OLFML2A: variants seen among roughly 807,000 people sequenced by gnomAD.
OLFML2A encodes the protein olfactomedin like 2A, also known as olfactomedin-like protein 2A.
A neutral mutation model predicts 60.9 loss-of-function variants in OLFML2A; 47 were observed. The ratio of observed to expected loss-of-function variants is 0.77; its 90% CI spans 0.61 to 0.98. OLFML2A has a LOEUF of 0.98. Among genes scored for constraint, OLFML2A ranks in the 50% least tolerant of loss-of-function variants. The probability of loss-of-function intolerance (pLI) is 0.00; values close to 1 mark genes in which losing one functional copy is unlikely to be tolerated. For synonymous variants in OLFML2A, 372 were observed against 375.0 expected, an observed-to-expected ratio of 0.99 and a Z score of 0.09; for missense variants, 922 against 879.8, an observed-to-expected ratio of 1.05 and a Z score of -0.61.
rs200585902 is a variant in OLFML2A, at chr9:124,787,176, A to G, written c.292A>G (p.Asn98Asp). The G allele has an allele frequency of 7.1e-4, 1,145 of 1,614,094 alleles. 4 individuals carry two copies. Among genetic ancestry groups the G allele is most frequent in the Middle Eastern group, 5.3e-3 (32 of 6,062 alleles). ...CTGTACCGCACCTCCCTCCTCTCTC[A>G]ACCCCTGTGAGAACGAGTGGAAGAT... Reference protein sequence around the residue: ...CSCTAPPSSLNPCENEWKMEK... With the variant: ...CSCTAPPSSLDPCENEWKMEK... The change falls in exon 2 of 8, where the codon AAC becomes GAC. Residue 98 changes from asparagine (N) to aspartate (D), a missense_variant. Coordinates refer to ENST00000373580, the MANE Select transcript of OLFML2A (RefSeq NM_182487.4).
At chr9:124,794,881 C>A (rs1841636399) in intron 2 of OLFML2A, 143 bp from the exon 3 acceptor site, 2 of 517,310 alleles carry the variant, frequency 3.9e-6, no homozygotes, top group Non-Finnish European at 7.2e-6. Context: ...CTGGGCCTCC[C>A]AAAGTGCTGG....
intron 3 of OLFML2A, among the ~76,000 whole-genome samples, chr9:124,795,723 C>T (rs543083460): frequency 2.1e-4 from 32 of 152,288 alleles, no homozygotes; most frequent in Non-Finnish European, 3.2e-4. Flanking sequence ...TGCAGTGAAC[C>T]GAGATCGTGC....
At chr9:124,791,410 G>T (rs1841565934) in intron 2 of OLFML2A, among the ~76,000 whole-genome samples, 2 of 152,188 alleles carry the variant, frequency 1.3e-5, no homozygotes, top group Admixed American at 6.5e-5. Context: ...CAATAGTTTT[G>T]TAAAATGCTA....
chr9:124,801,035 C>T lies in OLFML2A; in HGVS notation c.670-379C>T, dbSNP rs1486834415. ...TGCCTAAGAACCTCTCCCCTGCCCACGTACTAAGACCAATGAGTAAGAGAG... is the reference window on the plus strand; with the variant it reads ...TGCCTAAGAACCTCTCCCCTGCCCATGTACTAAGACCAATGAGTAAGAGAG... On this transcript the variant is annotated intron_variant, in intron 4 of 7. Coordinates refer to ENST00000373580, the MANE Select transcript of OLFML2A (RefSeq NM_182487.4). 3.9e-6 allele frequency: 6 copies of T among 1,551,386 alleles called. No individual in the cohort carries two copies. The East Asian group carries it at 7.3e-5, about 19-fold the overall frequency.
Position 124,807,859 on chromosome 9 carries a change from G to C in OLFML2A, c.1247G>C (p.Gly416Ala). The C allele has an allele frequency of 6.2e-7, 1 of 1,614,128 alleles. No individual in the cohort carries two copies. Among genetic ancestry groups the C allele is most frequent in the South Asian group, 1.1e-5 (1 of 91,088 alleles). Residue 416 changes from glycine to alanine, a missense_variant, in exon 7 of 8, where the codon GGA (glycine) becomes GCA (alanine). Physicochemically the swap from Gly to Ala is moderately conservative, Grantham distance 60. Transcript: ENST00000373580. ...VRHHSYGRHE[G>A]AWMKDPAARD... Reference sequence around the variant, plus strand: ...CACCACAGCTATGGGCGCCACGAGGGAGCCTGGATGAAGGACCCTGCAGCT... The same window carrying C: ...CACCACAGCTATGGGCGCCACGAGGCAGCCTGGATGAAGGACCCTGCAGCT...
rs968336210 is a variant in OLFML2A at position 124,813,676 on chromosome 9, G to A, written c.*3264G>A. 1 of 152,210 alleles carries A rather than the reference G, an allele frequency of 6.6e-6. No homozygotes were observed. Among genetic ancestry groups the A allele is most frequent in the African/African-American group, 2.4e-5 (1 of 41,448 alleles). The allele number at this position is 152,210 out of a possible 1,614,324, so 9.4% of individuals were successfully genotyped here. ...AAAAGCCTGAATGCCAAGCCAAGGAGTGGATGCCTCCAGTCATATTTAGAA... is the reference window on the plus strand; with the variant it reads ...AAAAGCCTGAATGCCAAGCCAAGGAATGGATGCCTCCAGTCATATTTAGAA... On this transcript the variant is annotated 3_prime_UTR_variant, in exon 8 of 8. Transcript: ENST00000373580.
chr9:124,805,781 ATTG>A (rs974310542), intron 6 of OLFML2A, among the ~76,000 whole-genome samples: 17 of 87,930 alleles, frequency 1.9e-4, no homozygotes, highest in Admixed American at 2.1e-4. Flanking sequence ...TTTTATTATT[ATTG>A]TTGTTGTTGT....
At chr9:124,808,106 A>T in intron 7 of OLFML2A, 140 bp downstream of exon 7, 1 of 672,168 alleles carries the variant, frequency 1.5e-6, no homozygotes, top group East Asian at 2.7e-5. Flanking sequence ...CACCCCAAGG[A>T]GGGGGTTCTG....
intron 1 of OLFML2A, among the ~76,000 whole-genome samples, chr9:124,780,429 A>G (rs1213748862): frequency 6.6e-6 from 1 of 152,154 alleles, no homozygotes; most frequent in Non-Finnish European, 1.5e-5. Flanking sequence ...GGACTGTGGG[A>G]GCCCAGCCAG....
intron 5 of OLFML2A, among the ~76,000 whole-genome samples, chr9:124,803,859 G>T (rs1312081480): frequency 1.3e-5 from 2 of 152,244 alleles, no homozygotes; most frequent in African/African-American, 4.8e-5. Flanking sequence ...GGTGGCCCAG[G>T]AAGGCAGGGG....
chr9:124,807,595 T>C (rs1314974823), intron 6 of OLFML2A, among the ~76,000 whole-genome samples, 186 bp from the exon 7 acceptor site: 2 of 152,206 alleles, frequency 1.3e-5, no homozygotes, highest in Non-Finnish European at 2.9e-5. Context: ...CATTCTGCTT[T>C]TCTGAATGTT....
chr9:124,801,357 C>T, intron 4 of OLFML2A, 57 bp from the exon 5 acceptor site: 1 of 1,584,726 alleles, frequency 6.3e-7, no homozygotes, highest in Non-Finnish European at 8.6e-7. Context: ...GCCCCCAGGA[C>T]TCCCCACAAC....
chr9:124,787,983 A>G (rs1252732406), intron 2 of OLFML2A, among the ~76,000 whole-genome samples: 2 of 151,986 alleles, frequency 1.3e-5, no homozygotes, highest in African/African-American at 2.4e-5. Flanking sequence ...GCAGCCTCCA[A>G]TCTATGCCAT....
rs1017756787 is a variant in OLFML2A, at chr9:124,779,325, A to T, written c.90+1965A>T. ...GATTCCCTGATCTGGCTCAGGTATGATGACAAGTGAGTAGAAAATCCTAGG... is the reference window on the plus strand; with the variant it reads ...GATTCCCTGATCTGGCTCAGGTATGTTGACAAGTGAGTAGAAAATCCTAGG... On this transcript the variant is annotated intron_variant, in intron 1 of 7. Coordinates refer to ENST00000373580, the MANE Select transcript of OLFML2A (RefSeq NM_182487.4). This position sits in a 1 kb window ranked among gnomAD's most constrained non-coding sequence, Gnocchi z 4.1. Among the ~76,000 whole-genome samples, 2 of 152,166 alleles carry T rather than the reference A, an allele frequency of 1.3e-5. No individual in the cohort carries two copies. The highest frequency in any genetic ancestry group is 4.8e-5 in the African/African-American group (2 of 41,418).
chr9:124,791,193 A>G (rs1047180972), intron 2 of OLFML2A, among the ~76,000 whole-genome samples: 1 of 152,202 alleles, frequency 6.6e-6, no homozygotes, highest in African/African-American at 2.4e-5. Flanking sequence ...ATAGAAGGAT[A>G]GAGCTGGGCC....
intron 6 of OLFML2A, among the ~76,000 whole-genome samples, chr9:124,806,764 C>T (rs1051060000): frequency 5.3e-5 from 8 of 150,810 alleles, no homozygotes; most frequent in East Asian, 2.0e-4. Context: ...CACCCACCAC[C>T]GCACCCAGCT....
At chr9:124,806,980 G>A (rs1309912937) in intron 6 of OLFML2A, among the ~76,000 whole-genome samples, 1 of 151,058 alleles carries the variant, frequency 6.6e-6, no homozygotes, top group African/African-American at 2.4e-5. Context: ...GTGGTGTGAT[G>A]ACAGCTCACT....
rs200516442 is a variant in OLFML2A at position 124,809,950 on chromosome 9, G to A, written c.1497G>A (p.Trp499Ter). ...YDLRQRFVAS[W>*]ALLPDVVYED... Reference sequence around the variant, plus strand: ...TACGGCAGCGCTTCGTGGCCTCCTGGGCGCTGCTGCCCGACGTGGTATATG... The same window carrying A: ...TACGGCAGCGCTTCGTGGCCTCCTGAGCGCTGCTGCCCGACGTGGTATATG... The change falls in exon 8 of 8, where the codon TGG (tryptophan) becomes TGA (stop). Residue 499 changes from tryptophan to a stop codon, truncating the protein, a stop_gained. Transcript: ENST00000373580. LOFTEE classifies it high-confidence loss of function. 2.5e-4 allele frequency: 401 copies of A among 1,614,156 alleles called. 1 individual carries two copies. The Middle Eastern group carries it at 2.6e-3, about 11-fold the overall frequency.
intron 4 of OLFML2A, chr9:124,800,980 C>T (rs1455457106): frequency 6.5e-7 from 1 of 1,548,646 alleles, no homozygotes. Context: ...GTTCCAGGCA[C>T]TCTGGGATGA....
Sources: allele counts gnomAD v4.1 joint callset (sites outside exome capture counted in the v4.1 genomes callset), GRCh38; gene constraint gnomAD v4.1.1; non-coding constraint Gnocchi (gnomAD v3.1); transcripts MANE v1.5; gene names NCBI Gene and HGNC (gene_info 2026-07-23, HGNC 2026-07-21).